The following GABRB1 variants were observed in gnomAD, a reference collection of about 807,000 sequenced individuals.
GABRB1 encodes gamma-aminobutyric acid type A receptor subunit beta1.
In GABRB1, 17 loss-of-function variants were observed where a neutral mutation model predicts 51.6. The ratio of observed to expected loss-of-function variants is 0.33; its 90% CI spans 0.23 to 0.49. GABRB1 has a LOEUF of 0.49. Among genes scored for constraint, GABRB1 ranks in the 20% least tolerant of loss-of-function variants. GABRB1 has a pLI of 0.99. For synonymous variants in GABRB1, 247 were observed against 218.9 expected, an observed-to-expected ratio of 1.13 and a Z score of -1.14; for missense variants, 410 against 600.6, an observed-to-expected ratio of 0.68 and a Z score of 3.32.
At chr4:47,039,541 T>A (rs1368069046) in intron 3 of GABRB1, among the ~76,000 whole-genome samples, 1 of 152,096 alleles carries the variant, frequency 6.6e-6, no homozygotes, top group African/African-American at 2.4e-5. Context: ...ATTTGAAACA[T>A]CCATAGTTAT....
chr4:47,062,170 A>G (rs1472099382), intron 3 of GABRB1, among the ~76,000 whole-genome samples: 1 of 152,140 alleles, frequency 6.6e-6, no homozygotes, highest in African/African-American at 2.4e-5. Context: ...CTTGTAAGCC[A>G]TTTATACCAA....
chr4:47,408,805 A>G (rs1297650773), intron 8 of GABRB1, among the ~76,000 whole-genome samples: 1 of 152,122 alleles, frequency 6.6e-6, no homozygotes, highest in Non-Finnish European at 1.5e-5. Context: ...AAACATACTA[A>G]TTCATCCTCT....
At chr4:47,089,094 T>A (rs111343432) in intron 3 of GABRB1, among the ~76,000 whole-genome samples, 5 of 152,326 alleles carry the variant, frequency 3.3e-5, no homozygotes, top group African/African-American at 1.2e-4. Context: ...CACAAATAAA[T>A]TTTTATGTGT....
intron 4 of GABRB1, among the ~76,000 whole-genome samples, chr4:47,178,503 G>A (rs367991438): frequency 3.8e-4 from 58 of 152,180 alleles, no homozygotes; most frequent in African/African-American, 1.3e-3. Context: ...GATTAGTGGA[G>A]CTAAAGAAGA....
chr4:47,075,903 G>A (rs924406909), intron 3 of GABRB1, among the ~76,000 whole-genome samples: 2 of 152,094 alleles, frequency 1.3e-5, no homozygotes, highest in African/African-American at 4.8e-5. Flanking sequence ...CCCCTTTGGA[G>A]CCTGCCTGGG....
At chr4:47,349,271 G>A (rs187392531) in intron 5 of GABRB1, among the ~76,000 whole-genome samples, 5 of 152,208 alleles carry the variant, frequency 3.3e-5, no homozygotes, top group Admixed American at 2.6e-4. Flanking sequence ...TGGCTTGGGA[G>A]GTCTGGGGAA....
At chr4:47,294,439 C>G (rs961051062) in intron 4 of GABRB1, among the ~76,000 whole-genome samples, 1 of 152,230 alleles carries the variant, frequency 6.6e-6, no homozygotes, top group Non-Finnish European at 1.5e-5. Flanking sequence ...TAAAAAACGG[C>G]GCACCAGAAG....
chr4:47,155,675 T>G (rs990293025), intron 3 of GABRB1, among the ~76,000 whole-genome samples: 1 of 151,752 alleles, frequency 6.6e-6, no homozygotes, highest in Non-Finnish European at 1.5e-5. Context: ...TTGAACATAT[T>G]TGCCTACAGT....
intron 8 of GABRB1, among the ~76,000 whole-genome samples, chr4:47,412,318 AGTT>A (rs1728784095): frequency 6.6e-6 from 1 of 152,112 alleles, no homozygotes; most frequent in Non-Finnish European, 1.5e-5. Context: ...AATACTGGAG[AGTT>A]GTTCTCCATT....
chr4:47,345,755 T>C (rs986395791), intron 5 of GABRB1, among the ~76,000 whole-genome samples: 3 of 152,196 alleles, frequency 2.0e-5, no homozygotes, highest in Non-Finnish European at 2.9e-5. Context: ...CCGGACCTCA[T>C]GTCACTGGTT....
chr4:47,215,837 A>G (rs1296090940), intron 4 of GABRB1, among the ~76,000 whole-genome samples: 2 of 152,116 alleles, frequency 1.3e-5, no homozygotes, highest in African/African-American at 4.8e-5. Flanking sequence ...TGGAATAGGA[A>G]TGAATACTGC....
At chr4:47,284,337 A>T (rs1723423870) in intron 4 of GABRB1, among the ~76,000 whole-genome samples, 1 of 152,122 alleles carries the variant, frequency 6.6e-6, no homozygotes, top group Admixed American at 6.5e-5. Flanking sequence ...TGAGAGAAAC[A>T]TTGAGTTCCA....
At chr4:47,244,581 G>A (rs1247393908) in intron 4 of GABRB1, among the ~76,000 whole-genome samples, 1 of 152,188 alleles carries the variant, frequency 6.6e-6, no homozygotes, top group East Asian at 1.9e-4. Context: ...GGTGTATTCA[G>A]GGATTCAACT....
chr4:47,220,055 C>A (rs1340094213), intron 4 of GABRB1, among the ~76,000 whole-genome samples: 1 of 151,928 alleles, frequency 6.6e-6, no homozygotes, highest in Non-Finnish European at 1.5e-5. Flanking sequence ...ATTTAACCAC[C>A]TCTATCCTCA....
intron 3 of GABRB1, among the ~76,000 whole-genome samples, chr4:47,119,534 GTTTCGCTC>G (rs1330137050): frequency 6.9e-6 from 1 of 145,456 alleles, no homozygotes; most frequent in Non-Finnish European, 1.5e-5. Flanking sequence ...TTGAGACTGA[GTTTCGCTC>G]TTGTTGCCCA....
rs184840872 is a variant in GABRB1, at chr4:47,390,974, G to C, written c.545-12344G>C. ...GGACGGGTCATGAGGTCAAGAGTTAGAGACCAGCCTGGCCAACATGGTGAA... is the reference window on the plus strand; with the variant it reads ...GGACGGGTCATGAGGTCAAGAGTTACAGACCAGCCTGGCCAACATGGTGAA... On this transcript the variant is annotated intron_variant, in intron 5 of 8. Coordinates refer to ENST00000295454, the MANE Select transcript of GABRB1 (RefSeq NM_000812.4). Among the ~76,000 whole-genome samples the C allele has an allele frequency of 5.1e-3, 770 of 152,176 alleles. 8 individuals are homozygous for C. The highest frequency in any genetic ancestry group is 0.017 in the African/African-American group (721 of 41,532).
intron 5 of GABRB1, among the ~76,000 whole-genome samples, chr4:47,371,121 T>C (rs1727177490): frequency 7.5e-6 from 1 of 132,736 alleles, no homozygotes; most frequent in Admixed American, 8.1e-5. Flanking sequence ...CAGTGTGTAT[T>C]GTTCCCCACC....
intron 8 of GABRB1, among the ~76,000 whole-genome samples, 168 bp downstream of exon 8, chr4:47,407,094 A>G (rs1295220398): frequency 6.6e-6 from 1 of 152,226 alleles, no homozygotes; most frequent in Non-Finnish European, 1.5e-5. Flanking sequence ...AAGAAGTTAG[A>G]TTGAGGGTTA....
intron 3 of GABRB1, among the ~76,000 whole-genome samples, chr4:47,087,345 G>A (rs1419114084): frequency 1.3e-5 from 2 of 151,650 alleles, no homozygotes; most frequent in African/African-American, 2.4e-5. Context: ...ATATAACATT[G>A]TATATAATAT....
Sources: allele counts gnomAD v4.1 joint callset (sites outside exome capture counted in the v4.1 genomes callset), GRCh38; gene constraint gnomAD v4.1.1; transcripts MANE v1.5; gene names NCBI Gene and HGNC (gene_info 2026-07-23, HGNC 2026-07-21).